ERCC1: variants seen among roughly 807,000 people sequenced by gnomAD.
The protein encoded by ERCC1 is ERCC excision repair 1, endonuclease non-catalytic subunit.
ERCC1 carries 36 observed loss-of-function variants against 37.6 expected under a neutral mutation model. The ratio of observed to expected loss-of-function variants is 0.96; its 90% CI spans 0.73 to 1.26. The LOEUF (loss-of-function observed/expected upper bound fraction) is 1.26. ERCC1 is among the 50% of genes most tolerant of loss of function. The pLI is 0.00. For synonymous variants in ERCC1, 156 were observed against 162.1 expected (o/e 0.96, Z 0.28); for missense variants, 349 against 376.5 (o/e 0.93, Z 0.60).
intron 1 of ERCC1, among the ~76,000 whole-genome samples, chr19:45,445,998 C>A (rs111930150): frequency 2.0e-5 from 3 of 152,150 alleles, no homozygotes; most frequent in Non-Finnish European, 4.4e-5. Context: ...AAGCGATTCT[C>A]CTGCCTCAGC....
chr19:45,408,740 G>C lies in ERCC1; in HGVS notation c.*935C>G, dbSNP rs775794365. 6.2e-7 allele frequency: 1 copy of C among 1,613,946 alleles called. No homozygotes were observed. Among genetic ancestry groups the C allele is most frequent in the Non-Finnish European group, 8.5e-7 (1 of 1,179,990 alleles). On this transcript the variant is annotated 3_prime_UTR_variant, in exon 10 of 10. Coordinates refer to ENST00000300853, the MANE Select transcript of ERCC1 (RefSeq NM_001983.4). ...CACCAAGAAGAGGAAGAAGCCCAAA[G>C]GGAAAGAAACCTTCGAGCCAGAAGA...
chr19:45,420,280 T>TG lies in ERCC1; in HGVS notation c.425+43dup. 7.9e-7 allele frequency: 1 copy of TG among 1,264,072 alleles called. No homozygotes were observed. Among genetic ancestry groups the TG allele is most frequent in the Non-Finnish European group, 1.1e-6 (1 of 873,480 alleles). The allele number at this position is 1,264,072 out of a possible 1,614,324, so 78.3% of individuals were successfully genotyped here. On this transcript the variant is annotated intron_variant, in intron 4 of 9. Coordinates refer to ENST00000300853, the MANE Select transcript of ERCC1 (RefSeq NM_001983.4). The surrounding 1 kb of genome is among the most constrained non-coding windows in gnomAD (Gnocchi z 4.8). ...CTGGGACATGACCCTCCCAGGCCAG[T>TG]GGGGTGCCCTTCCTGAAGTCTGGGG...
At position 45,408,481 on chromosome 19, in the gene ERCC1, C is replaced by G. The variant is rs1189511449; in HGVS notation, c.*1194G>C. ...CAGCCTTGGCCCCCAACCTGCTCAC[C>G]TCAGGGAAGAAGAAAAAGGAGATGC... On this transcript the variant is annotated 3_prime_UTR_variant, in exon 10 of 10. Transcript: ENST00000300853. 1 of 1,614,004 alleles carries G rather than the reference C, an allele frequency of 6.2e-7. No individual in the cohort carries two copies. Among genetic ancestry groups the G allele is most frequent in the Non-Finnish European group, 8.5e-7 (1 of 1,179,992 alleles).
Position 45,407,571 on chromosome 19 carries a change from TGGG to T in ERCC1, c.*2101_*2103del. On this transcript the variant is annotated 3_prime_UTR_variant, in exon 10 of 10. Transcript: ENST00000300853. The stretch of plus-strand genomic sequence containing the variant: ...GCTCATTTATGTTATATTTAAGTAA[TGGG>T]GGCTGCATTCTTAGGACATTTGGAC... 1 of 312,208 alleles carries T rather than the reference TGGG, an allele frequency of 3.2e-6. No individual in the cohort carries two copies. The highest frequency in any genetic ancestry group is 5.7e-5 in the East Asian group (1 of 17,462). 19.3% of individuals were successfully genotyped at this position (312,208 alleles called of 1,614,324 possible). A position where few individuals can be genotyped will look rare whatever the true frequency, so the allele number is the denominator to read the frequency against.
upstream of ERCC1, among the ~76,000 whole-genome samples, chr19:45,424,747 T>C (rs1337055952): frequency 2.0e-5 from 3 of 152,104 alleles, no homozygotes; most frequent in Non-Finnish European, 4.4e-5. Context: ...GTTACCCATA[T>C]TGCAAACATT....
intron 1 of ERCC1, among the ~76,000 whole-genome samples, chr19:45,446,690 A>C (rs1192736006): frequency 6.6e-6 from 1 of 152,112 alleles, no homozygotes; most frequent in Non-Finnish European, 1.5e-5. Context: ...CATCAGTCAC[A>C]TGGAGCCGGT....
intron 1 of ERCC1, among the ~76,000 whole-genome samples, chr19:45,441,734 G>T (rs1018126923): frequency 3.3e-5 from 5 of 150,740 alleles, no homozygotes; most frequent in African/African-American, 1.2e-4. Context: ...CTGGAGTGCA[G>T]TGGCGGGATC....
chr19:45,421,840 C>T (rs1000703093), intron 2 of ERCC1, among the ~76,000 whole-genome samples: 3 of 151,908 alleles, frequency 2.0e-5, no homozygotes, highest in Non-Finnish European at 2.9e-5. Flanking sequence ...AACATGTTGT[C>T]CAGGCTGATC....
At chr19:45,418,831 C>A (rs1027454996) in intron 5 of ERCC1, among the ~76,000 whole-genome samples, 3 of 152,084 alleles carry the variant, frequency 2.0e-5, no homozygotes, top group African/African-American at 4.8e-5. Flanking sequence ...CTCAAACAAA[C>A]AAACAAACAA....
upstream of ERCC1, among the ~76,000 whole-genome samples, chr19:45,425,617 A>G (rs538514648): frequency 6.6e-6 from 1 of 151,650 alleles, no homozygotes; most frequent in East Asian, 2.0e-4. Flanking sequence ...TGATCTGCCC[A>G]CCTCAGCCTC....
upstream of ERCC1, among the ~76,000 whole-genome samples, chr19:45,426,583 G>A (rs1353611049): frequency 1.3e-5 from 2 of 150,326 alleles, no homozygotes; most frequent in African/African-American, 4.9e-5. Context: ...TTTGAGACAA[G>A]GTCTTGATCT....
At chr19:45,422,188 C>G (rs780705748) in intron 2 of ERCC1, among the ~76,000 whole-genome samples, 6 of 152,138 alleles carry the variant, frequency 3.9e-5, no homozygotes, top group Non-Finnish European at 8.8e-5. Flanking sequence ...TGGGTGGCTC[C>G]TGCCTCAGAG....
chr19:45,444,477 G>A (rs778990054), intron 1 of ERCC1, among the ~76,000 whole-genome samples: 4 of 152,146 alleles, frequency 2.6e-5, no homozygotes, highest in Non-Finnish European at 5.9e-5. Context: ...GCCGCCAGAT[G>A]AGGCTGGGCG....
At chr19:45,428,675 A>C (rs530303195), upstream of ERCC1, among the ~76,000 whole-genome samples, 33 of 152,246 alleles carry the variant, frequency 2.2e-4, no homozygotes, top group Admixed American at 2.2e-3. Context: ...CGGGACCCTC[A>C]CCGACAATTC....
chr19:45,433,208 G>A (rs1974880429), intron 1 of ERCC1, among the ~76,000 whole-genome samples: 1 of 152,034 alleles, frequency 6.6e-6, no homozygotes, highest in Non-Finnish European at 1.5e-5. Context: ...TGGGCAACGT[G>A]GTGAAACCCT....
intron 1 of ERCC1, among the ~76,000 whole-genome samples, chr19:45,436,974 G>T (rs1974996473): frequency 6.6e-6 from 1 of 152,068 alleles, no homozygotes; most frequent in African/African-American, 2.4e-5. Flanking sequence ...TAAGGGCCGG[G>T]CATAGTGGCT....
rs549408046 is a variant in ERCC1 at position 45,420,376 on chromosome 19, C to T, written c.373G>A (p.Asp125Asn). ...CCCAGCACATAGTCGGGAATTACGT[C>T]GCCAAATTCCCAGGGCACATTGCGC... ...FVRNVPWEFGDVIPDYVLGQS... is the reference protein window; with the variant it reads ...FVRNVPWEFGNVIPDYVLGQS... The change falls in exon 4 of 10, where the codon GAC becomes AAC. Residue 125 changes from aspartate to asparagine, a missense_variant. Physicochemically the swap from Asp to Asn is conservative, Grantham distance 23. Transcript: ENST00000300853. The surrounding 1 kb of genome is among the most constrained non-coding windows in gnomAD (Gnocchi z 4.8). 2.7e-5 allele frequency: 44 copies of T among 1,613,914 alleles called. No homozygotes were observed. In the South Asian group the frequency reaches 3.7e-4, roughly 14 times the overall value.
chr19:45,418,535 G>A (rs1227029657), intron 5 of ERCC1, among the ~76,000 whole-genome samples: 1 of 148,720 alleles, frequency 6.7e-6, no homozygotes, highest in Admixed American at 6.7e-5. Context: ...ATAAAAGAGA[G>A]AGATATGGCC....
intron 7 of ERCC1, chr19:45,414,239 G>T (rs1168085392): frequency 1.6e-6 from 1 of 612,070 alleles, no homozygotes; most frequent in Non-Finnish European, 3.0e-6. Flanking sequence ...CACTTTCGAG[G>T]CCGAGGCGGG....
Sources: allele counts gnomAD v4.1 joint callset (sites outside exome capture counted in the v4.1 genomes callset), GRCh38; gene constraint gnomAD v4.1.1; non-coding constraint Gnocchi (gnomAD v3.1); transcripts MANE v1.5; gene names NCBI Gene and HGNC (gene_info 2026-07-23, HGNC 2026-07-21).